ZNF83: variants seen among roughly 807,000 people sequenced by gnomAD.
ZNF83 encodes zinc finger protein 816B.
For synonymous variants in ZNF83, 209 were observed against 213.0 expected, an observed-to-expected ratio of 0.98 and a Z score of 0.17; for missense variants, 552 against 629.9, an observed-to-expected ratio of 0.88 and a Z score of 1.32.
intron 3 of ZNF83, among the ~76,000 whole-genome samples, chr19:52,648,649 T>C (rs182146666): frequency 2.4e-3 from 373 of 152,304 alleles, no homozygotes; most frequent in Non-Finnish European, 4.1e-3. Flanking sequence ...GTAATCTTGT[T>C]CAGTCCCGCT....
chr19:52,618,381 T>G (rs1199128052), intron 2 of ZNF83: 1 of 153,896 alleles, frequency 6.5e-6, no homozygotes, highest in Non-Finnish European at 1.4e-5. Context: ...TGCCTCAGCC[T>G]CCCAAGTAGC....
rs781601076 is a variant in ZNF83 at position 52,635,069 on chromosome 19, AG to A, written c.-238del. 5.6e-5 allele frequency: 41 copies of A among 732,300 alleles called. 1 individual carries two copies. The African/African-American group carries it at 5.9e-4, about 11-fold the overall frequency. The allele number at this position is 732,300 out of a possible 1,614,324, so 45.4% of individuals were successfully genotyped here. A position where few individuals can be genotyped will look rare whatever the true frequency, so the allele number is the denominator to read the frequency against. On this transcript the variant is annotated 5_prime_UTR_variant, in exon 2 of 3. It removes the in-frame stop codon of an upstream open reading frame in the 5' UTR. Coordinates refer to ENST00000301096, the Ensembl canonical transcript of ZNF83. Reference sequence around the variant, plus strand: ...TCCACCGAGAATATCATCTCACCTGAGGAAGAACCATTCCTGACGCCTTTGC... The same window carrying A: ...TCCACCGAGAATATCATCTCACCTGAGAAGAACCATTCCTGACGCCTTTGC...
rs1296273949 is a variant in ZNF83 at position 52,647,732 on chromosome 19, C to A, written c.-74+7829G>T. Among the ~76,000 whole-genome samples, 6 of 151,576 alleles carry A rather than the reference C, an allele frequency of 4.0e-5. No homozygotes were observed. The Admixed American group carries it at 4.0e-4, about 10-fold the overall frequency. ...CTGCTGCTGTTTATTCCCTTCTTACCTCTATTCCTTCTCTTCCACCTCTTC... is the reference window on the plus strand; with the variant it reads ...CTGCTGCTGTTTATTCCCTTCTTACATCTATTCCTTCTCTTCCACCTCTTC... On this transcript the variant is annotated intron_variant, in intron 3 of 5. Transcript: ENST00000594682.
chr19:52,619,907 G>A (rs1442353827), intron 2 of ZNF83, among the ~76,000 whole-genome samples: 1 of 152,034 alleles, frequency 6.6e-6, no homozygotes, highest in African/African-American at 2.4e-5. Flanking sequence ...AAATTTAGCT[G>A]GGCATGGTGG....
intron 2 of ZNF83, among the ~76,000 whole-genome samples, chr19:52,632,910 C>T (rs1744246498): frequency 6.6e-6 from 1 of 152,162 alleles, no homozygotes; most frequent in African/African-American, 2.4e-5. Flanking sequence ...GTTCCCACGC[C>T]ACCCCTAATC....
intron 1 of ZNF83, among the ~76,000 whole-genome samples, chr19:52,668,671 A>G (rs2061685247): frequency 6.6e-6 from 1 of 152,236 alleles, no homozygotes; most frequent in Non-Finnish European, 1.5e-5. Context: ...ATAGCTATTG[A>G]AACAGGGTAT....
At chr19:52,657,062 T>G (rs2061515519) in intron 2 of ZNF83, among the ~76,000 whole-genome samples, 2 of 151,384 alleles carry the variant, frequency 1.3e-5, no homozygotes, top group African/African-American at 4.9e-5. Flanking sequence ...TTTGAAGTGA[T>G]CCAAGATTGC....
chr19:52,625,599 G>A (rs545845401), intron 2 of ZNF83, among the ~76,000 whole-genome samples: 5 of 152,108 alleles, frequency 3.3e-5, no homozygotes, highest in East Asian at 1.9e-4. Flanking sequence ...TTCCAGCTCC[G>A]TATTACAGAC....
chr19:52,666,759 G>T (rs549535630), intron 1 of ZNF83, among the ~76,000 whole-genome samples: 1 of 152,214 alleles, frequency 6.6e-6, no homozygotes, highest in African/African-American at 2.4e-5. Context: ...TCTAACAGGG[G>T]GTCTAAATCT....
At chr19:52,631,930 T>C (rs533582899) in intron 2 of ZNF83, among the ~76,000 whole-genome samples, 25 of 121,590 alleles carry the variant, frequency 2.1e-4, no homozygotes, top group South Asian at 4.9e-4. Context: ...TCAGGGATTA[T>C]TCAGGCCCCC....
chr19:52,686,365 G>A (rs1600282515), intron 1 of ZNF83, among the ~76,000 whole-genome samples: 1 of 151,564 alleles, frequency 6.6e-6, no homozygotes, highest in African/African-American at 2.4e-5. Flanking sequence ...CTGGTTATAG[G>A]ATGCCACAAA....
chr19:52,677,536 G>A (rs1402475927), intron 1 of ZNF83, among the ~76,000 whole-genome samples: 1 of 151,446 alleles, frequency 6.6e-6, no homozygotes, highest in Non-Finnish European at 1.5e-5. Flanking sequence ...ATGGCGGTCT[G>A]AGGTAAAAGC....
chr19:52,686,212 C>T (rs2062012486), intron 1 of ZNF83, among the ~76,000 whole-genome samples: 1 of 151,988 alleles, frequency 6.6e-6, no homozygotes, highest in East Asian at 1.9e-4. Flanking sequence ...AACTAGAAAG[C>T]ATGCAGACCT....
chr19:52,654,019 GTT>G, intron 3 of ZNF83: 1 of 1,557,826 alleles, frequency 6.4e-7, no homozygotes, highest in East Asian at 2.3e-5. Context: ...TCTTTGGGAT[GTT>G]GAAACCAAGG....
intron 1 of ZNF83, among the ~76,000 whole-genome samples, chr19:52,674,756 T>C (rs1197440495): frequency 1.3e-5 from 2 of 152,170 alleles, no homozygotes; most frequent in Non-Finnish European, 2.9e-5. Context: ...TTGATCAAAA[T>C]GATTAAAAAC....
intron 1 of ZNF83, among the ~76,000 whole-genome samples, chr19:52,677,859 C>T (rs1253560561): frequency 6.6e-6 from 1 of 151,800 alleles, no homozygotes; most frequent in Admixed American, 6.6e-5. Context: ...TGCTGAAACC[C>T]CATCTCTACT....
At chr19:52,662,525 G>A (rs2061593737) in intron 1 of ZNF83, among the ~76,000 whole-genome samples, 2 of 152,138 alleles carry the variant, frequency 1.3e-5, no homozygotes, top group African/African-American at 4.8e-5. Context: ...AAGATGATCT[G>A]AGTCTAATTA....
At chr19:52,687,145 C>T (rs1212726103) in intron 1 of ZNF83, among the ~76,000 whole-genome samples, 2 of 149,080 alleles carry the variant, frequency 1.3e-5, no homozygotes, top group African/African-American at 5.0e-5. Context: ...TGCAACATTG[C>T]CCTCCAGCCT....
intron 2 of ZNF83, among the ~76,000 whole-genome samples, chr19:52,660,316 C>T (rs2061562718): frequency 6.6e-6 from 1 of 152,086 alleles, no homozygotes; most frequent in African/African-American, 2.4e-5. Flanking sequence ...CAGGAAACTT[C>T]CAGATATCTG....
Sources: allele counts gnomAD v4.1 joint callset (sites outside exome capture counted in the v4.1 genomes callset), GRCh38; gene constraint gnomAD v4.1.1; transcripts MANE v1.5; gene names NCBI Gene and HGNC (gene_info 2026-07-23, HGNC 2026-07-21).